ZNF75D: variants seen among roughly 807,000 people sequenced by gnomAD.
ZNF75D encodes the protein zinc finger protein 75D, also known as zinc finger protein 75.
In ZNF75D, 33 loss-of-function variants were observed where a neutral mutation model predicts 33.3. The ratio of observed to expected loss-of-function variants is 0.99; its 90% CI spans 0.75 to 1.32. ZNF75D has a LOEUF of 1.32. Among genes scored for constraint, ZNF75D ranks in the 40% most tolerant of loss-of-function variants. ZNF75D has a pLI of 0.00. For missense variants in ZNF75D, 338 were observed against 367.5 expected (o/e 0.92, Z 0.66); for synonymous variants, 113 against 130.6 (o/e 0.87, Z 0.92).
intron 1 of ZNF75D, among the ~76,000 whole-genome samples, chrX:135,311,964 T>A (rs782423321): frequency 8.9e-6 from 1 of 112,095 alleles, no homozygotes; most frequent in Non-Finnish European, 1.9e-5. Context: ...GGTGTCCATC[T>A]CTTCAAGTAT....
chrX:135,305,081 T>C (rs2084267664), intron 1 of ZNF75D, among the ~76,000 whole-genome samples: 1 of 111,979 alleles, frequency 8.9e-6, no homozygotes, highest in Non-Finnish European at 1.9e-5. Flanking sequence ...CTTTTCATCC[T>C]ACCCTTGGGA....
chrX:135,281,565 C>T (rs2083920007), downstream of ZNF75D, among the ~76,000 whole-genome samples: 1 of 111,414 alleles, frequency 9.0e-6, no homozygotes, highest in Admixed American at 9.5e-5. Context: ...GGAAAAGAGG[C>T]ATTACGGTTT....
chrX:135,275,168 A>T (rs190250719), intron 1 of ZNF75D, among the ~76,000 whole-genome samples: 1 of 112,689 alleles, frequency 8.9e-6, no homozygotes, highest in East Asian at 2.8e-4. Flanking sequence ...AGAATTGGCG[A>T]ATTAACATTT....
intron 6 of ZNF75D, among the ~76,000 whole-genome samples, chrX:135,288,512 C>A (rs935713507): frequency 4.4e-5 from 5 of 112,400 alleles, no homozygotes; most frequent in Non-Finnish European, 9.4e-5. Flanking sequence ...TACAACTGGA[C>A]AGCTCCAAAC....
intron 5 of ZNF75D, 21 bp from the exon 6 acceptor site, chrX:135,291,156 T>A: frequency 8.3e-7 from 1 of 1,209,400 alleles, no homozygotes; most frequent in South Asian, 1.8e-5. Context: ...GAATGGGCTA[T>A]AGTTTAGTAC....
chrX:135,320,991 C>T (rs1194852508), intron 1 of ZNF75D, among the ~76,000 whole-genome samples: 2 of 111,250 alleles, frequency 1.8e-5, no homozygotes, highest in African/African-American at 6.6e-5. Context: ...ATCACAGACT[C>T]GGTAATTATA....
At chrX:135,316,302 AG>A (rs1204404036) in intron 1 of ZNF75D, among the ~76,000 whole-genome samples, 1 of 111,833 alleles carries the variant, frequency 8.9e-6, no homozygotes, top group African/African-American at 3.2e-5. Context: ...CTTGGCTAGC[AG>A]ATTTTTTTTC....
Position 135,294,044 on chromosome X carries a change from T to A in ZNF75D, c.97A>T (p.Ser33Cys). ...SGSVKENSSQ[S>C]KKYSTKIENL... ...TCTATTTTTGTGCTGTATTTCTTAC[T>A]CTGACTGGAGTTCTCTTTCACAGAC... The change falls in exon 3 of 7, where the codon AGT becomes TGT. Residue 33 changes from serine to cysteine, a missense_variant. Physicochemically the swap from Ser to Cys is moderately radical, Grantham distance 112 (BLOSUM62 -1). Transcript: ENST00000370766. The A allele has an allele frequency of 1.7e-6, 2 of 1,211,538 alleles. No homozygotes were observed. Among genetic ancestry groups the A allele is most frequent in the East Asian group, 3.0e-5 (1 of 33,846 alleles).
intron 1 of ZNF75D, among the ~76,000 whole-genome samples, chrX:135,297,939 G>A (rs1441275884): frequency 1.8e-5 from 2 of 111,535 alleles, no homozygotes; most frequent in African/African-American, 6.5e-5. Flanking sequence ...TCTTCACAAG[G>A]CCTTTTCATT....
intron 1 of ZNF75D, among the ~76,000 whole-genome samples, chrX:135,276,285 T>C (rs1193373469): frequency 8.9e-6 from 1 of 111,789 alleles, no homozygotes; most frequent in African/African-American, 3.3e-5. Flanking sequence ...AGAACAAAAT[T>C]GAGAGCCCAG....
intron 1 of ZNF75D, among the ~76,000 whole-genome samples, chrX:135,265,141 C>T: frequency 9.1e-6 from 1 of 110,013 alleles, no homozygotes; most frequent in Non-Finnish European, 1.9e-5. Context: ...ATCGCTTGAA[C>T]CCGGGAGGCA....
intron 1 of ZNF75D, among the ~76,000 whole-genome samples, chrX:135,259,570 G>A (rs1556415132): frequency 1.8e-5 from 2 of 111,359 alleles, no homozygotes; most frequent in African/African-American, 6.6e-5. Context: ...GTGAATGGGG[G>A]TTCATTCATG....
chrX:135,314,953 C>G (rs2084402224), intron 1 of ZNF75D, among the ~76,000 whole-genome samples: 1 of 111,818 alleles, frequency 8.9e-6, no homozygotes, highest in South Asian at 3.7e-4. Flanking sequence ...CTAGTCTCCA[C>G]TTAATTCTGC....
intron 1 of ZNF75D, among the ~76,000 whole-genome samples, chrX:135,336,338 T>C (rs1357288257): frequency 3.5e-5 from 4 of 112,805 alleles, no homozygotes; most frequent in Non-Finnish European, 7.5e-5. Flanking sequence ...AATTATCCAG[T>C]CAAAGGTATT....
chrX:135,327,186 T>C (rs1159613124), intron 1 of ZNF75D, among the ~76,000 whole-genome samples: 1 of 112,051 alleles, frequency 8.9e-6, no homozygotes, highest in Non-Finnish European at 1.9e-5. Flanking sequence ...TTTGGACAAA[T>C]GACAGTCCCC....
chrX:135,335,501 G>C (rs1331595874), intron 1 of ZNF75D, among the ~76,000 whole-genome samples: 1 of 111,202 alleles, frequency 9.0e-6, no homozygotes, highest in Non-Finnish European at 1.9e-5. Flanking sequence ...TCACAGCTAT[G>C]GTGACTTAGG....
At chrX:135,323,853 T>C (rs782158639) in intron 1 of ZNF75D, among the ~76,000 whole-genome samples, 8 of 111,743 alleles carry the variant, frequency 7.2e-5, no homozygotes, top group Admixed American at 1.9e-4. Flanking sequence ...GCAAGCTTTC[T>C]AGCAGAAGGC....
downstream of ZNF75D, among the ~76,000 whole-genome samples, chrX:135,282,880 C>T (rs2083925653): frequency 8.9e-6 from 1 of 112,846 alleles, no homozygotes; most frequent in Non-Finnish European, 1.9e-5. Context: ...CAGAAATCAC[C>T]CACCTTCTGC....
chrX:135,271,813 C>G (rs1480200990), intron 1 of ZNF75D, among the ~76,000 whole-genome samples: 1 of 112,264 alleles, frequency 8.9e-6, no homozygotes, highest in African/African-American at 3.2e-5. Flanking sequence ...AAGACCACAA[C>G]TGGGTTGCAC....
Sources: gnomAD v4.1 joint callset for allele counts (sites outside exome capture counted in the v4.1 genomes callset) on GRCh38, gnomAD v4.1.1 for gene constraint, MANE v1.5 for transcripts, NCBI Gene and HGNC (gene_info 2026-07-23, HGNC 2026-07-21) for gene names.